The following ALDH1A2 variants were observed in gnomAD, a reference collection of about 807,000 sequenced individuals.
ALDH1A2 encodes aldehyde dehydrogenase 1 family member A2.
A neutral mutation model predicts 60.3 loss-of-function variants in ALDH1A2; 27 were observed. That is an observed-to-expected ratio of 0.45 (90% CI 0.33 to 0.62). ALDH1A2 has a LOEUF of 0.62. Among genes scored for constraint, ALDH1A2 ranks in the 20% least tolerant of loss-of-function variants. The pLI, the probability that ALDH1A2 is intolerant of heterozygous loss-of-function variation, is 0.02. For missense variants in ALDH1A2, 581 were observed against 643.8 expected, an observed-to-expected ratio of 0.90 and a Z score of 1.06; for synonymous variants, 289 against 232.4, an observed-to-expected ratio of 1.24 and a Z score of -2.21.
At position 57,959,911 on chromosome 15, in the gene ALDH1A2, G is replaced by T. The variant is rs77806414; in HGVS notation, c.1484+859C>A. The stretch of plus-strand genomic sequence containing the variant: ...ATTTCTCCCACAAACACACACTACC[G>T]TTATTTTTCCCGCAATACCTTTACT... On this transcript the variant is annotated intron_variant, in intron 12 of 12. Coordinates refer to ENST00000249750, the MANE Select transcript of ALDH1A2 (RefSeq NM_003888.4). 4.9e-3 allele frequency among the ~76,000 whole-genome samples: 751 copies of T among 152,124 alleles called. 4 individuals are homozygous for T. The highest frequency in any genetic ancestry group is 8.8e-3 in the Non-Finnish European group (601 of 67,972).
chr15:57,971,505 A>T (rs908897151), intron 7 of ALDH1A2, among the ~76,000 whole-genome samples: 4 of 152,300 alleles, frequency 2.6e-5, no homozygotes, highest in Non-Finnish European at 5.9e-5. Context: ...GGCTCACTGC[A>T]TCCTTGAAAT....
Position 58,013,986 on chromosome 15 carries a change from T to C in ALDH1A2, c.235A>G (p.Lys79Glu), listed in dbSNP as rs1345036913. The change falls in exon 3 of 13, where the codon AAA (lysine) becomes GAA (glutamate). Residue 79 changes from lysine (K) to glutamate (E), a missense_variant. By Grantham distance (56) the Lys-to-Glu change is moderately conservative (BLOSUM62 1). Transcript: ENST00000249750. ...GCCAGGCGGGCTGCCTGCACTGCTT[T>C]GTCTATATCTGCCTGTTAGAGAGGA... The part of the protein sequence containing the change: ...VQEADKADID[K>E]AVQAARLAFS... The C allele has an allele frequency of 6.2e-7, 1 of 1,614,106 alleles. No homozygotes were observed. The highest frequency in any genetic ancestry group is 1.3e-5 in the African/African-American group (1 of 75,022).
chr15:58,054,959 C>G (rs766711416), intron 1 of ALDH1A2, among the ~76,000 whole-genome samples: 1 of 152,036 alleles, frequency 6.6e-6, no homozygotes, highest in Non-Finnish European at 1.5e-5. Context: ...GGAATTGTTG[C>G]TTATGATAGC....
rs1467216939 is a variant in ALDH1A2, at chr15:58,065,500, CT to C, written c.117+33del. On this transcript the variant is annotated intron_variant, in intron 1 of 12. Coordinates refer to ENST00000249750, the MANE Select transcript of ALDH1A2 (RefSeq NM_003888.4). ...GAAACCGAAGAAGGTTCTAGAAAGT[CT>C]CCGTGGACGACGGGCGCTGGGCGGC... 1.9e-6 allele frequency: 3 copies of C among 1,547,584 alleles called. No individual in the cohort carries two copies. The South Asian group carries it at 3.3e-5, about 17-fold the overall frequency.
chr15:57,955,589 C>G (rs978856730), intron 12 of ALDH1A2, among the ~76,000 whole-genome samples: 1 of 152,220 alleles, frequency 6.6e-6, no homozygotes, highest in Non-Finnish European at 1.5e-5. Context: ...TACCATCAGC[C>G]TTGGCCAGAG....
chr15:57,962,334 C>T (rs556960584), intron 9 of ALDH1A2, among the ~76,000 whole-genome samples, 158 bp from the exon 10 acceptor site: 2 of 152,250 alleles, frequency 1.3e-5, no homozygotes, highest in African/African-American at 4.8e-5. Context: ...TTTTGACCTA[C>T]AAAAAACTGG....
intron 1 of ALDH1A2, among the ~76,000 whole-genome samples, chr15:58,059,796 T>C (rs756590783): frequency 2.2e-4 from 33 of 152,266 alleles, no homozygotes; most frequent in Non-Finnish European, 2.2e-4. Flanking sequence ...AAAAACGCAG[T>C]GTAAATATAT....
At chr15:57,987,355 T>C (rs747784363) in intron 7 of ALDH1A2, among the ~76,000 whole-genome samples, 9 of 151,842 alleles carry the variant, frequency 5.9e-5, no homozygotes, top group Non-Finnish European at 1.2e-4. Flanking sequence ...TACACAAAAG[T>C]ACATCACAAT....
chr15:58,024,163 A>G (rs1193711213), intron 1 of ALDH1A2, among the ~76,000 whole-genome samples: 1 of 129,902 alleles, frequency 7.7e-6, no homozygotes, highest in African/African-American at 2.6e-5. Flanking sequence ...TAATCACACA[A>G]AGGAGGAAGA....
At chr15:58,023,739 T>C (rs8041300) in intron 1 of ALDH1A2, among the ~76,000 whole-genome samples, 12,727 of 151,166 alleles carry the variant, frequency 0.084, 570 homozygotes, top group Middle Eastern at 0.13. Flanking sequence ...AATAGACTGA[T>C]TCCCAGATAA....
In ALDH1A2 at chr15:58,063,155, A is replaced by T. The variant is rs150324221; in HGVS notation, c.117+2379T>A. Among the ~76,000 whole-genome samples, 359 of 152,354 alleles carry T rather than the reference A, an allele frequency of 2.4e-3. 1 individual carries two copies. Among genetic ancestry groups the T allele is most frequent in the African/African-American group, 8.3e-3 (346 of 41,580 alleles). On this transcript the variant is annotated intron_variant, in intron 1 of 12. Coordinates refer to ENST00000249750, the MANE Select transcript of ALDH1A2 (RefSeq NM_003888.4). ...GTCATTTATTTTAAGTAGTGACTCT[A>T]TGTGGGTCCCAATATCACACTGAAA... is the stretch of plus-strand genomic sequence containing the variant.
chr15:57,963,368 C>T (rs553990531), intron 9 of ALDH1A2, among the ~76,000 whole-genome samples: 66 of 133,168 alleles, frequency 5.0e-4, no homozygotes, highest in Non-Finnish European at 7.9e-4. Context: ...TTTTTTGAGA[C>T]GGAGTCTTGC....
At chr15:57,979,520 C>T (rs1028594074) in intron 7 of ALDH1A2, among the ~76,000 whole-genome samples, 4 of 152,130 alleles carry the variant, frequency 2.6e-5, no homozygotes, top group African/African-American at 9.7e-5. Context: ...CCTTCTCCTC[C>T]ACAGCCTGGT....
intron 7 of ALDH1A2, 103 bp from the exon 8 acceptor site, chr15:57,965,930 C>A (rs1893883062): frequency 2.3e-6 from 2 of 884,092 alleles, no homozygotes; most frequent in Admixed American, 1.9e-5. Context: ...AGTAACAAAC[C>A]CTAAAAGGCA....
At chr15:57,990,471 G>A (rs1429242595) in intron 7 of ALDH1A2, 1 of 152,190 alleles carries the variant, frequency 6.6e-6, no homozygotes, top group Non-Finnish European at 1.5e-5. Flanking sequence ...ATATACTGAT[G>A]CAAGAGTATT....
In ALDH1A2 at chr15:58,065,639, G is replaced by A. The variant is rs931114519; in HGVS notation, c.12C>T (p.Ser4=). 4.1e-5 allele frequency: 65 copies of A among 1,598,508 alleles called. No homozygotes were observed. The highest frequency in any genetic ancestry group is 5.5e-5 in the Non-Finnish European group (64 of 1,171,514). The change falls in exon 1 of 13, where the codon AGC becomes AGT. Residue 4 remains serine (S), a synonymous_variant. Transcript: ENST00000249750. MTS[S]KIEMPGEVKA... The stretch of plus-strand genomic sequence containing the variant: ...TCACCTCGCCGGGCATCTCTATCTT[G>A]CTGGAAGTCATGGTGGCGGGCCGGG...
chr15:58,019,941 C>A (rs1163128812), intron 1 of ALDH1A2, among the ~76,000 whole-genome samples: 1 of 152,054 alleles, frequency 6.6e-6, no homozygotes, highest in Non-Finnish European at 1.5e-5. Flanking sequence ...GGTTTAAGCC[C>A]CCCATGCATT....
chr15:58,049,255 C>T (rs1566960608), intron 1 of ALDH1A2, among the ~76,000 whole-genome samples: 1 of 151,968 alleles, frequency 6.6e-6, no homozygotes, highest in Non-Finnish European at 1.5e-5. Flanking sequence ...TGCCTCTATT[C>T]CTCTCGCATG....
intron 1 of ALDH1A2, among the ~76,000 whole-genome samples, chr15:58,021,185 T>G (rs1429268869): frequency 6.6e-6 from 1 of 152,228 alleles, no homozygotes; most frequent in Non-Finnish European, 1.5e-5. Context: ...AATCTGCATT[T>G]TAACTAGCAA....
Sources: allele counts gnomAD v4.1 joint callset (sites outside exome capture counted in the v4.1 genomes callset), GRCh38; gene constraint gnomAD v4.1.1; transcripts MANE v1.5; gene names NCBI Gene and HGNC (gene_info 2026-07-23, HGNC 2026-07-21).